Variants in TCF7L1 observed in about 807,000 individuals in gnomAD.
TCF7L1 encodes transcription factor 7 like 1, also known as transcription factor 7-like 1.
A neutral mutation model predicts 63.7 loss-of-function variants in TCF7L1; 18 were observed. The ratio of observed to expected loss-of-function variants is 0.28; its 90% CI spans 0.20 to 0.42. The LOEUF (loss-of-function observed/expected upper bound fraction) is 0.42. Ranked by LOEUF, TCF7L1 falls within the 10% of genes least tolerant of loss-of-function variation. TCF7L1 has a pLI of 1.00. For missense variants in TCF7L1, 654 were observed against 779.3 expected (o/e 0.84, Z 1.91); for synonymous variants, 355 against 340.9 (o/e 1.04, Z -0.46).
chr2:85,287,513 G>A (rs915263575), intron 4 of TCF7L1, among the ~76,000 whole-genome samples: 2 of 152,190 alleles, frequency 1.3e-5, no homozygotes, highest in African/African-American at 4.8e-5. Context: ...ACTCAGCATT[G>A]TGGTGGAGCA....
chr2:85,156,933 A>T (rs1426003628), intron 3 of TCF7L1, among the ~76,000 whole-genome samples: 1 of 152,208 alleles, frequency 6.6e-6, no homozygotes, highest in Non-Finnish European at 1.5e-5. Flanking sequence ...CTGGGGGCAC[A>T]TTCTACTAGC....
chr2:85,210,379 T>G (rs1033081619), intron 3 of TCF7L1, among the ~76,000 whole-genome samples: 1 of 152,166 alleles, frequency 6.6e-6, no homozygotes, highest in African/African-American at 2.4e-5. Context: ...ACTAGTGCCA[T>G]AGGGTTGGTG....
intron 3 of TCF7L1, among the ~76,000 whole-genome samples, chr2:85,143,635 G>C (rs1163843133): frequency 6.6e-6 from 1 of 152,180 alleles, no homozygotes; most frequent in Non-Finnish European, 1.5e-5. Flanking sequence ...GCCAAGATTT[G>C]AACTTGGTTG....
At chr2:85,304,186 TC>T in intron 6 of TCF7L1, 68 bp from the exon 7 acceptor site, 2 of 1,495,780 alleles carry the variant, frequency 1.3e-6, no homozygotes, top group Non-Finnish European at 1.8e-6. Context: ...CATCCCTTCT[TC>T]CCAAGTGCCT....
chr2:85,206,848 C>T (rs1017734336), intron 3 of TCF7L1, among the ~76,000 whole-genome samples: 1 of 152,076 alleles, frequency 6.6e-6, no homozygotes, highest in African/African-American at 2.4e-5. Context: ...ATATTTTACT[C>T]TAGGAAAAAA....
In TCF7L1 at chr2:85,134,292, G is replaced by A. The variant is rs1677536964; in HGVS notation, c.314-31G>A. ...GCGGCGCTGTCAGTCCCGGGGGCCTGGGCCTCACCTCGCCTTGGTCTTGTT... is the reference window on the plus strand; with the variant it reads ...GCGGCGCTGTCAGTCCCGGGGGCCTAGGCCTCACCTCGCCTTGGTCTTGTT... On this transcript the variant is annotated intron_variant, in intron 2 of 11. Transcript: ENST00000282111. The surrounding 1 kb of genome is among the most constrained non-coding windows in gnomAD (Gnocchi z 5.0). 2.6e-6 allele frequency: 4 copies of A among 1,562,602 alleles called. No homozygotes were observed. The highest frequency in any genetic ancestry group is 3.5e-6 in the Non-Finnish European group (4 of 1,153,306).
intron 4 of TCF7L1, among the ~76,000 whole-genome samples, chr2:85,290,214 C>T (rs1681674076): frequency 1.3e-5 from 2 of 152,178 alleles, no homozygotes; most frequent in Admixed American, 6.5e-5. Context: ...CTCCTGACCT[C>T]AGGTGATCTG....
chr2:85,275,682 G>A (rs1296797220), intron 3 of TCF7L1, among the ~76,000 whole-genome samples: 2 of 152,132 alleles, frequency 1.3e-5, no homozygotes, highest in Non-Finnish European at 2.9e-5. Flanking sequence ...GAATTGGGAG[G>A]TGAAGGCGGG....
intron 4 of TCF7L1, among the ~76,000 whole-genome samples, chr2:85,285,535 G>A (rs183615813): frequency 4.1e-4 from 62 of 152,334 alleles, no homozygotes; most frequent in African/African-American, 1.5e-3. Flanking sequence ...GCAGCCAGTC[G>A]CCAAGGCACA....
intron 3 of TCF7L1, among the ~76,000 whole-genome samples, chr2:85,135,669 A>C (rs566412919): frequency 7.0e-6 from 1 of 143,436 alleles, no homozygotes; most frequent in Non-Finnish European, 1.5e-5. Context: ...CGGGGGCGCT[A>C]CCATCACCAG....
intron 3 of TCF7L1, among the ~76,000 whole-genome samples, chr2:85,157,824 A>AG (rs897042735): frequency 2.6e-5 from 4 of 152,118 alleles, no homozygotes; most frequent in African/African-American, 9.7e-5. Context: ...GGCAGGATGG[A>AG]GGGGCCCTGA....
chr2:85,133,796 C>A lies in TCF7L1; in HGVS notation c.112C>A (p.Leu38Met), dbSNP rs368959374. The change falls in exon 1 of 12, where the codon CTG becomes ATG. Residue 38 changes from leucine (L) to methionine (M), a missense_variant. Physicochemically the swap from Leu to Met is conservative, Grantham distance 15. This residue lies in a region of TCF7L1 where 404 missense variants were observed against 454.8 expected (regional missense o/e 0.89). Coordinates refer to ENST00000282111, the MANE Select transcript of TCF7L1 (RefSeq NM_031283.3). The surrounding 1 kb of genome is among the most constrained non-coding windows in gnomAD (Gnocchi z 4.4). ...GGACGACCTCGGGGCGAACGACGAG[C>A]TGATCCCCTTCCAGGACGAGGGGGG... ...GGDDLGANDE[L>M]IPFQDEGGEE... 2.6e-4 allele frequency: 369 copies of A among 1,426,450 alleles called. 1 individual carries two copies. The highest frequency in any genetic ancestry group is 3.2e-4 in the Non-Finnish European group (350 of 1,086,054). 88.4% of individuals were successfully genotyped at this position (1,426,450 alleles called of 1,614,324 possible). A position where few individuals can be genotyped will look rare whatever the true frequency, so the allele number is the denominator to read the frequency against.
chr2:85,269,716 T>C lies in TCF7L1; in HGVS notation c.442-13779T>C, dbSNP rs143510154. 5.5e-4 allele frequency among the ~76,000 whole-genome samples: 84 copies of C among 152,364 alleles called. 1 individual carries two copies. In the East Asian group the frequency reaches 0.016, roughly 29 times the overall value. On this transcript the variant is annotated intron_variant, in intron 3 of 11. Transcript: ENST00000282111. ...AATAGGAGGTGTTGTTTAATAGTAT[T>C]GAGATGGGAACTTCTCAGCCCTTCC...
At chr2:85,171,933 C>T (rs984508849) in intron 3 of TCF7L1, among the ~76,000 whole-genome samples, 1 of 152,074 alleles carries the variant, frequency 6.6e-6, no homozygotes, top group Admixed American at 6.5e-5. Flanking sequence ...CCCCTCCCCC[C>T]ACACTGCCCT....
intron 3 of TCF7L1, among the ~76,000 whole-genome samples, chr2:85,238,233 G>A (rs778116645): frequency 5.3e-5 from 8 of 152,188 alleles, no homozygotes; most frequent in East Asian, 1.9e-4. Flanking sequence ...TCCAGGCTTC[G>A]GCACTTTGTG....
chr2:85,237,005 A>G (rs1438308082), intron 3 of TCF7L1, among the ~76,000 whole-genome samples: 1 of 152,158 alleles, frequency 6.6e-6, no homozygotes, highest in Non-Finnish European at 1.5e-5. Context: ...GATAACCTGC[A>G]TTAGTCTGAA....
At chr2:85,308,305 C>A (rs1468694371) in intron 11 of TCF7L1, among the ~76,000 whole-genome samples, 1 of 152,062 alleles carries the variant, frequency 6.6e-6, no homozygotes, top group African/African-American at 2.4e-5. Context: ...AAGTGTATCG[C>A]TGCTTGCACG....
chr2:85,165,195 A>G (rs1678388012), intron 3 of TCF7L1, among the ~76,000 whole-genome samples: 1 of 152,236 alleles, frequency 6.6e-6, no homozygotes, highest in Non-Finnish European at 1.5e-5. Flanking sequence ...AGATAACTCT[A>G]GATTACAGTC....
At chr2:85,151,887 A>G (rs1313208745) in intron 3 of TCF7L1, among the ~76,000 whole-genome samples, 1 of 152,230 alleles carries the variant, frequency 6.6e-6, no homozygotes, top group Non-Finnish European at 1.5e-5. Flanking sequence ...GTTTTAGATC[A>G]TATGGGGAAA....
Sources: gnomAD v4.1 joint callset for allele counts (sites outside exome capture counted in the v4.1 genomes callset) on GRCh38, gnomAD v4.1.1 for gene constraint, gnomAD v4.1.1 regional missense constraint, Gnocchi (gnomAD v3.1) non-coding constraint, MANE v1.5 for transcripts, NCBI Gene and HGNC (gene_info 2026-07-23, HGNC 2026-07-21) for gene names.